PTPN13: variants seen among roughly 807,000 people sequenced by gnomAD.
The protein encoded by PTPN13 is protein tyrosine phosphatase non-receptor type 13.
A neutral mutation model predicts 284.0 loss-of-function variants in PTPN13; 191 were observed. The observed-to-expected ratio is 0.67, with a 90% confidence interval of 0.60 to 0.76. The LOEUF (loss-of-function observed/expected upper bound fraction) is 0.76, where lower values mean the gene tolerates loss of function less well. Ranked by LOEUF, PTPN13 falls within the 30% of genes least tolerant of loss-of-function variation. The pLI is 0.00. For missense variants in PTPN13, 2,797 were observed against 2,939.9 expected, an observed-to-expected ratio of 0.95 and a Z score of 1.12; for synonymous variants, 986 against 1,022.3, an observed-to-expected ratio of 0.96 and a Z score of 0.68.
intron 17 of PTPN13, 92 bp downstream of exon 17, chr4:86,745,220 A>G: frequency 8.2e-7 from 1 of 1,222,614 alleles, no homozygotes; most frequent in Non-Finnish European, 1.1e-6. Flanking sequence ...TTAGGATGAA[A>G]ACTTACAATG....
chr4:86,688,412 A>G (rs1200313880), intron 4 of PTPN13, among the ~76,000 whole-genome samples: 1 of 152,016 alleles, frequency 6.6e-6, no homozygotes, highest in Non-Finnish European at 1.5e-5. Flanking sequence ...GAATAATGAC[A>G]TTGGCCACCC....
chr4:86,732,326 A>C lies in PTPN13; in HGVS notation c.1609-74A>C, dbSNP rs1735030884. 2.5e-6 allele frequency: 3 copies of C among 1,189,448 alleles called. No homozygotes were observed. In the Admixed American group the frequency reaches 7.6e-5, roughly 30 times the overall value. The allele number at this position is 1,189,448 out of a possible 1,614,324, so 73.7% of individuals were successfully genotyped here. A position where few individuals can be genotyped will look rare whatever the true frequency, so the allele number is the denominator to read the frequency against. On this transcript the variant is annotated intron_variant, in intron 10 of 47. Coordinates refer to ENST00000411767, the MANE Select transcript of PTPN13 (RefSeq NM_080683.3). The stretch of plus-strand genomic sequence containing the variant: ...GTTTCATATGTAATTTATTATTCTT[A>C]CATTATTTTTCCTTTCAAGGAAAAA...
intron 1 of PTPN13, chr4:86,595,807 AGATTT>A (rs1183860504): frequency 1.0e-6 from 1 of 971,764 alleles, no homozygotes; most frequent in Non-Finnish European, 1.2e-6. Context: ...ATAAATTTTA[AGATTT>A]TAAAATTTAT....
At chr4:86,699,357 G>A (rs1438481572) in intron 6 of PTPN13, among the ~76,000 whole-genome samples, 2 of 151,852 alleles carry the variant, frequency 1.3e-5, no homozygotes, top group Non-Finnish European at 2.9e-5. Context: ...CTGCACTCGA[G>A]CCTGGGAGAC....
At chr4:86,794,441 A>C (rs1743076145) in intron 40 of PTPN13, among the ~76,000 whole-genome samples, 1 of 152,234 alleles carries the variant, frequency 6.6e-6, no homozygotes, top group African/African-American at 2.4e-5. Context: ...ATGGATAGGA[A>C]GAATCAATAT....
intron 2 of PTPN13, among the ~76,000 whole-genome samples, chr4:86,639,572 G>T (rs1010953565): frequency 6.6e-6 from 1 of 151,256 alleles, no homozygotes; most frequent in Admixed American, 6.6e-5. Context: ...GCAAACTATC[G>T]CAAGGACAAA....
At chr4:86,691,998 A>T (rs1303219865) in intron 5 of PTPN13, among the ~76,000 whole-genome samples, 1 of 152,222 alleles carries the variant, frequency 6.6e-6, no homozygotes, top group African/African-American at 2.4e-5. Context: ...AATATGTGTC[A>T]ATCATCCATA....
At chr4:86,770,268 G>T in intron 30 of PTPN13, 69 bp downstream of exon 30, 1 of 1,391,120 alleles carries the variant, frequency 7.2e-7, no homozygotes, top group East Asian at 2.4e-5. Flanking sequence ...ATTCAGCTGT[G>T]GTGGTTTCAT....
Position 86,635,287 on chromosome 4 carries a change from G to T in PTPN13, c.31G>T (p.Val11Phe). 6.2e-7 allele frequency: 1 copy of T among 1,606,714 alleles called. No homozygotes were observed. ...CGTGTCACTAGCTGAGGCCCTGGAGGTTCGGGGTGGACCACTTCAGGAGGA... is the reference window on the plus strand; with the variant it reads ...CGTGTCACTAGCTGAGGCCCTGGAGTTTCGGGGTGGACCACTTCAGGAGGA... MHVSLAEALE[V>F]RGGPLQEEEI... Residue 11 changes from valine (V) to phenylalanine (F), a missense_variant, in exon 2 of 48, where the codon GTT (valine) becomes TTT (phenylalanine). By Grantham distance (50) the Val-to-Phe change is conservative. Transcript: ENST00000411767.
In PTPN13 at chr4:86,692,811, G is replaced by A. The variant is rs1471431787; in HGVS notation, c.547-776G>A. ...TTAGCATTTCTCGGCCAGGCATAGT[G>A]GATCACGCCTGTAATCCCAGCACTT... is the stretch of plus-strand genomic sequence containing the variant. On this transcript the variant is annotated intron_variant, in intron 5 of 47. Transcript: ENST00000411767. Among the ~76,000 whole-genome samples the A allele has an allele frequency of 7.2e-5, 11 of 152,254 alleles. No homozygotes were observed. The East Asian group carries it at 2.1e-3, about 29-fold the overall frequency.
At chr4:86,695,049 G>A (rs1565343931) in intron 6 of PTPN13, among the ~76,000 whole-genome samples, 1 of 152,126 alleles carries the variant, frequency 6.6e-6, no homozygotes, top group Non-Finnish European at 1.5e-5. Context: ...CTGAGAGGAA[G>A]GAATGTGTAA....
Position 86,762,732 on chromosome 4 carries a change from TCTA to T in PTPN13, c.3562_3564del (p.Thr1188del). ...TGATGGATTTTGACTTTTAGTGCCT[TCTA>T]CTCCTGTGCATCTCACCAATGAGAT... On this transcript the variant is annotated inframe_deletion, in exon 24 of 48. Coordinates refer to ENST00000411767, the MANE Select transcript of PTPN13 (RefSeq NM_080683.3). 6.3e-7 allele frequency: 1 copy of T among 1,593,640 alleles called. No homozygotes were observed. Among genetic ancestry groups the T allele is most frequent in the Non-Finnish European group, 8.6e-7 (1 of 1,163,006 alleles).
intron 7 of PTPN13, among the ~76,000 whole-genome samples, chr4:86,714,672 C>G (rs1162508478): frequency 6.6e-6 from 1 of 152,102 alleles, no homozygotes; most frequent in Non-Finnish European, 1.5e-5. Flanking sequence ...GGCCTCTGAC[C>G]TGTTCATGCA....
intron 37 of PTPN13, 71 bp downstream of exon 37, chr4:86,782,333 C>A: frequency 1.5e-6 from 2 of 1,302,888 alleles, no homozygotes; most frequent in Non-Finnish European, 2.2e-6. Context: ...TGTTTTGAAC[C>A]AAACTGATTT....
At chr4:86,617,513 A>G (rs1578260335) in intron 1 of PTPN13, among the ~76,000 whole-genome samples, 1 of 152,098 alleles carries the variant, frequency 6.6e-6, no homozygotes, top group African/African-American at 2.4e-5. Flanking sequence ...CCATGTTGGT[A>G]TGCTGCACCC....
intron 17 of PTPN13, among the ~76,000 whole-genome samples, chr4:86,746,779 C>T (rs1487196603): frequency 6.6e-6 from 1 of 152,102 alleles, no homozygotes; most frequent in Admixed American, 6.6e-5. Context: ...TACAGGCACC[C>T]GCCACCACGC....
rs146647481 is a variant in PTPN13, at chr4:86,767,399, C to T, written c.4330-418C>T. Reference sequence around the variant, plus strand: ...TAGCTGGGATTACAGGTGCCCACCACGACACCTGGCTAATTTTTATATTTT... The same window carrying T: ...TAGCTGGGATTACAGGTGCCCACCATGACACCTGGCTAATTTTTATATTTT... On this transcript the variant is annotated intron_variant, in intron 27 of 47. Coordinates refer to ENST00000411767, the MANE Select transcript of PTPN13 (RefSeq NM_080683.3). Among the ~76,000 whole-genome samples the T allele has an allele frequency of 3.2e-3, 488 of 152,018 alleles. 5 individuals are homozygous for T. The highest frequency in any genetic ancestry group is 0.011 in the African/African-American group (450 of 41,460).
chr4:86,670,296 T>G (rs868493291), intron 2 of PTPN13, among the ~76,000 whole-genome samples: 1 of 148,294 alleles, frequency 6.7e-6, no homozygotes, highest in South Asian at 2.2e-4. Context: ...TCAAATTGCC[T>G]AATTGACATC....
intron 15 of PTPN13, among the ~76,000 whole-genome samples, chr4:86,739,737 A>C (rs774573334): frequency 6.6e-6 from 1 of 152,332 alleles, no homozygotes; most frequent in Admixed American, 6.5e-5. Flanking sequence ...CCAAAGTCTC[A>C]TCTGAGATAA....
Sources: gnomAD v4.1 joint callset for allele counts (sites outside exome capture counted in the v4.1 genomes callset) on GRCh38, gnomAD v4.1.1 for gene constraint, MANE v1.5 for transcripts, NCBI Gene and HGNC (gene_info 2026-07-23, HGNC 2026-07-21) for gene names.